The following DACH2 variants were observed in gnomAD, a reference collection of about 807,000 sequenced individuals.
The protein encoded by DACH2 is dachshund family transcription factor 2.
DACH2 carries 17 observed loss-of-function variants against 35.8 expected under a neutral mutation model. That is an observed-to-expected ratio of 0.48 (90% confidence interval 0.33 to 0.71). DACH2 has a LOEUF of 0.71. Ranked by LOEUF, DACH2 falls within the 30% of genes least tolerant of loss-of-function variation. The pLI, the probability that DACH2 is intolerant of heterozygous loss-of-function variation, is 0.02. For missense variants in DACH2, 469 were observed against 472.7 expected (o/e 0.99, Z 0.07); for synonymous variants, 195 against 177.3 (o/e 1.10, Z -0.79).
chrX:86,754,055 A>G (rs975468247), intron 7 of DACH2, among the ~76,000 whole-genome samples: 6 of 111,608 alleles, frequency 5.4e-5, no homozygotes, highest in Admixed American at 9.6e-5. Context: ...GTTATTTTAC[A>G]CTTTATCTGA....
In DACH2 at chrX:86,635,082, T is replaced by G. The variant is rs5923577; in HGVS notation, c.641-15954T>G. ...ATAACGAAAGAAGAAAACTTCAGGCTAATACCTTTGAGGAACATCAGATGC... is the reference window on the plus strand; with the variant it reads ...ATAACGAAAGAAGAAAACTTCAGGCGAATACCTTTGAGGAACATCAGATGC... On this transcript the variant is annotated intron_variant, in intron 3 of 11. Transcript: ENST00000373125. 1.2e-3 allele frequency among the ~76,000 whole-genome samples: 136 copies of G among 110,514 alleles called. 1 individual carries two copies. The highest frequency in any genetic ancestry group is 4.3e-3 in the African/African-American group (131 of 30,625).
intron 2 of DACH2, among the ~76,000 whole-genome samples, chrX:86,386,737 T>C (rs900439338): frequency 9.0e-6 from 1 of 111,474 alleles, no homozygotes; most frequent in Non-Finnish European, 1.9e-5. Context: ...GATTTTTTCA[T>C]ACACTTCCTT....
intron 1 of DACH2, among the ~76,000 whole-genome samples, chrX:86,376,464 T>C (rs1044818688): frequency 2.4e-4 from 27 of 110,463 alleles, no homozygotes; most frequent in African/African-American, 8.8e-4. Context: ...TTTGGAATTG[T>C]TACGACCCAA....
At chrX:86,190,670 C>T (rs775862908) in intron 1 of DACH2, among the ~76,000 whole-genome samples, 19 of 112,148 alleles carry the variant, frequency 1.7e-4, no homozygotes, top group East Asian at 2.8e-4. Context: ...AAAGGCCAGG[C>T]GCGGTGGCTC....
chrX:86,203,532 G>A (rs1416253953), intron 1 of DACH2, among the ~76,000 whole-genome samples: 7 of 111,517 alleles, frequency 6.3e-5, no homozygotes, highest in African/African-American at 2.3e-4. Flanking sequence ...ATGTTTTGAA[G>A]TATGTATACA....
chrX:86,171,889 A>G (rs1277749199), intron 1 of DACH2, among the ~76,000 whole-genome samples: 1 of 111,789 alleles, frequency 8.9e-6, no homozygotes, highest in Non-Finnish European at 1.9e-5. Context: ...ATAGCTTTCT[A>G]TTCGGCTACC....
At chrX:86,318,388 A>C (rs1817223633) in intron 1 of DACH2, among the ~76,000 whole-genome samples, 1 of 111,557 alleles carries the variant, frequency 9.0e-6, no homozygotes, top group African/African-American at 3.3e-5. Context: ...GCACCTATTA[A>C]AATTCCACAG....
chrX:86,280,703 AC>A (rs2034008462), intron 1 of DACH2, among the ~76,000 whole-genome samples: 1 of 112,008 alleles, frequency 8.9e-6, no homozygotes, highest in Non-Finnish European at 1.9e-5. Flanking sequence ...TATTCAGGAA[AC>A]CCATCAAACA....
intron 1 of DACH2, among the ~76,000 whole-genome samples, chrX:86,267,638 G>C (rs981943894): frequency 8.9e-6 from 1 of 111,744 alleles, no homozygotes; most frequent in African/African-American, 3.2e-5. Context: ...TTTGTAAAAC[G>C]ATGTGGTCAG....
chrX:86,157,156 G>A (rs973495107), intron 1 of DACH2, among the ~76,000 whole-genome samples: 9 of 111,233 alleles, frequency 8.1e-5, no homozygotes, highest in African/African-American at 2.9e-4. Context: ...GTACAGGAAA[G>A]TTAAAAAATA....
intron 5 of DACH2, among the ~76,000 whole-genome samples, chrX:86,700,843 T>C (rs754004037): frequency 9.0e-6 from 1 of 111,230 alleles, no homozygotes; most frequent in Non-Finnish European, 1.9e-5. Context: ...AGTTCCAAAA[T>C]TGAAGCAGTA....
intron 1 of DACH2, among the ~76,000 whole-genome samples, chrX:86,334,621 T>A (rs1304879508): frequency 8.9e-6 from 1 of 112,401 alleles, no homozygotes; most frequent in Non-Finnish European, 1.9e-5. Flanking sequence ...TTTTTTCTGG[T>A]AAATTTGTTT....
intron 2 of DACH2, among the ~76,000 whole-genome samples, chrX:86,456,038 G>T (rs1398189221): frequency 8.9e-6 from 1 of 112,172 alleles, no homozygotes. Context: ...GGTTTCCCTG[G>T]CAGGGTAGCA....
intron 1 of DACH2, among the ~76,000 whole-genome samples, chrX:86,255,330 T>C (rs2033496617): frequency 1.8e-5 from 2 of 111,945 alleles, no homozygotes; most frequent in African/African-American, 3.2e-5. Context: ...AGGTAAATTA[T>C]GGTAATAGTT....
chrX:86,650,273 C>T (rs182495446), intron 3 of DACH2, among the ~76,000 whole-genome samples: 195 of 111,074 alleles, frequency 1.8e-3, no homozygotes, highest in African/African-American at 6.0e-3. Flanking sequence ...ATACTACAGA[C>T]GCTGGCTATA....
intron 1 of DACH2, among the ~76,000 whole-genome samples, chrX:86,256,039 G>A (rs181740350): frequency 1.8e-5 from 2 of 110,837 alleles, no homozygotes; most frequent in East Asian, 5.7e-4. Context: ...TTTCCATCTA[G>A]CACTCCAGCT....
intron 3 of DACH2, among the ~76,000 whole-genome samples, chrX:86,582,811 A>G (rs375036083): frequency 1.8e-5 from 2 of 109,982 alleles, no homozygotes; most frequent in East Asian, 5.7e-4. Flanking sequence ...CATTCCTACT[A>G]AAACTATTTA....
chrX:86,734,589 C>T (rs2041575211), intron 6 of DACH2, among the ~76,000 whole-genome samples: 1 of 111,212 alleles, frequency 9.0e-6, no homozygotes, highest in Admixed American at 9.6e-5. Flanking sequence ...TTTATGAAAA[C>T]TTTGCTATAT....
chrX:86,298,826 T>C (rs2034518463), intron 1 of DACH2, among the ~76,000 whole-genome samples: 1 of 112,110 alleles, frequency 8.9e-6, no homozygotes, highest in Admixed American at 9.5e-5. Context: ...GGCTTATTCA[T>C]ATTTCTTTTT....
Sources: allele counts gnomAD v4.1 joint callset (sites outside exome capture counted in the v4.1 genomes callset), GRCh38; gene constraint gnomAD v4.1.1; transcripts MANE v1.5; gene names NCBI Gene and HGNC (gene_info 2026-07-23, HGNC 2026-07-21).